MICAL3: variants seen among roughly 807,000 people sequenced by gnomAD.
The protein encoded by MICAL3 is microtubule associated monooxygenase, calponin and LIM domain containing 3.
MICAL3 carries 62 observed loss-of-function variants against 207.4 expected under a neutral mutation model. The observed-to-expected ratio is 0.30, with a 90% CI of 0.24 to 0.37. The LOEUF is 0.37. Among genes scored for constraint, MICAL3 ranks in the 10% least tolerant of loss-of-function variants. MICAL3 has a pLI of 1.00. For synonymous variants in MICAL3, 1,077 were observed against 1,069.3 expected, an observed-to-expected ratio of 1.01 and a Z score of -0.14; for missense variants, 2,368 against 2,635.6, an observed-to-expected ratio of 0.90 and a Z score of 2.22.
chr22:17,980,829 G>A (rs1029082557), intron 1 of MICAL3: 9 of 505,566 alleles, frequency 1.8e-5, no homozygotes, highest in African/African-American at 5.8e-5. Context: ...GCCCAGATGC[G>A]GCTGTGCTGG....
At position 17,907,963 on chromosome 22, in the gene MICAL3, C is replaced by T. The variant is rs540797679; in HGVS notation, c.-74-1077G>A. Among the ~76,000 whole-genome samples, 5 of 152,342 alleles carry T rather than the reference C, an allele frequency of 3.3e-5. No individual in the cohort carries two copies. The East Asian group carries it at 5.8e-4, about 18-fold the overall frequency. On this transcript the variant is annotated intron_variant, in intron 1 of 31. Transcript: ENST00000441493. ...ACCTATGGAAATGTCCGCACACCTA[C>T]GTCCAGTGAGTCTGCTGGACAGAGG... is the stretch of plus-strand genomic sequence containing the variant.
intron 29 of MICAL3, 78 bp downstream of exon 29, chr22:17,808,766 G>T: frequency 8.1e-7 from 1 of 1,231,782 alleles, no homozygotes; most frequent in Non-Finnish European, 1.2e-6. Flanking sequence ...TCCAGGTGAG[G>T]TGAAGCAAAA....
intron 19 of MICAL3, among the ~76,000 whole-genome samples, chr22:17,849,117 G>A (rs1229698726): frequency 1.3e-5 from 2 of 152,206 alleles, no homozygotes; most frequent in Admixed American, 6.5e-5. Context: ...TGAAGCAGGC[G>A]ATGAGGGATA....
chr22:17,983,197 C>G (rs1209222583), intron 1 of MICAL3: 1 of 152,296 alleles, frequency 6.6e-6, no homozygotes, highest in Non-Finnish European at 1.5e-5. Flanking sequence ...GTGGCCAAAT[C>G]TGTCTCTTCT....
intron 1 of MICAL3, among the ~76,000 whole-genome samples, chr22:17,944,334 T>TA (rs1369074941): frequency 6.6e-6 from 1 of 152,092 alleles, no homozygotes; most frequent in Non-Finnish European, 1.5e-5. Flanking sequence ...AAGGTTAGAA[T>TA]ATGCAAGGAG....
intron 19 of MICAL3, 121 bp downstream of exon 19, chr22:17,864,778 T>C (rs760748664): frequency 8.7e-6 from 14 of 1,613,830 alleles, no homozygotes; most frequent in Non-Finnish European, 9.3e-6. Context: ...CAGAGGGTTT[T>C]GGGCCACTTG....
intron 15 of MICAL3, among the ~76,000 whole-genome samples, chr22:17,886,947 C>T (rs969999777): frequency 6.6e-5 from 8 of 121,688 alleles, no homozygotes; most frequent in African/African-American, 2.4e-4. Flanking sequence ...CAGATCGTGC[C>T]ACTATACTCC....
intron 1 of MICAL3, among the ~76,000 whole-genome samples, chr22:17,977,713 A>T (rs1042907220): frequency 6.6e-6 from 1 of 152,186 alleles, no homozygotes; most frequent in African/African-American, 2.4e-5. Flanking sequence ...TCTTAGGTAT[A>T]TACTCAAGAG....
At chr22:18,000,933 G>C (rs949116193) in intron 1 of MICAL3, among the ~76,000 whole-genome samples, 1 of 152,110 alleles carries the variant, frequency 6.6e-6, no homozygotes, top group African/African-American at 2.4e-5. Context: ...TGCGGACTCC[G>C]GTAAAGACAG....
Position 17,891,479 on chromosome 22 carries a change from A to G in MICAL3, c.1694+6T>C. 1 of 1,613,824 alleles carries G rather than the reference A, an allele frequency of 6.2e-7. No individual in the cohort carries two copies. The highest frequency in any genetic ancestry group is 8.5e-7 in the Non-Finnish European group (1 of 1,179,738). Reference sequence around the variant, plus strand: ...TAAAAAAACACAAAGTTTGATCACAACTTACATCAGGTCAGGGCGGTATCT... The same window carrying G: ...TAAAAAAACACAAAGTTTGATCACAGCTTACATCAGGTCAGGGCGGTATCT... On this transcript the variant is annotated splice_donor_region_variant and intron_variant, in intron 12 of 31. Transcript: ENST00000441493.
chr22:17,919,076 G>GTTTTTTTTTTTTTTT lies in MICAL3; in HGVS notation c.-74-12191_-74-12190insAAAAAAAAAAAAAAA, dbSNP rs35096617. ...CTCCAAATGTTTTTGGTTTTTGTGG[G>GTTTTTTTTTTTTTTT]TTTTTTTTTTTTTTGAGACAGGCTC... On this transcript the variant is annotated intron_variant, in intron 1 of 31. Transcript: ENST00000441493. Among the ~76,000 whole-genome samples the GTTTTTTTTTTTTTTT allele has an allele frequency of 7.3e-3, 991 of 136,242 alleles. 60 individuals carry two copies. The highest frequency in any genetic ancestry group is 0.028 in the African/African-American group (934 of 33,596). The allele number at this position is 136,242 out of a possible 152,430, so 89.4% of individuals were successfully genotyped here.
chr22:17,877,405 GGGAAGTTATGGAGGTTAGGGAGATTAT>G (rs1928844216), intron 16 of MICAL3, among the ~76,000 whole-genome samples: 2 of 93,744 alleles, frequency 2.1e-5, no homozygotes, highest in Non-Finnish European at 2.0e-5. Context: ...AGGGAGGTTA[GGGAAGTTATGGAGGTTAGGGAGATTAT>G]GGAGGTGAGG....
rs10533905 is a variant in MICAL3, at chr22:17,945,008, CTTT to C, written c.-74-38125_-74-38123del. 8.9e-4 allele frequency among the ~76,000 whole-genome samples: 123 copies of C among 138,054 alleles called. 2 individuals carry two copies. Among genetic ancestry groups the C allele is most frequent in the African/African-American group, 3.2e-3 (111 of 34,488 alleles). The allele number at this position is 138,054 out of a possible 152,430, so 90.6% of individuals were successfully genotyped here. A position where few individuals can be genotyped will look rare whatever the true frequency, so the allele number is the denominator to read the frequency against. On this transcript the variant is annotated intron_variant, in intron 1 of 31. Coordinates refer to ENST00000441493, the MANE Select transcript of MICAL3 (RefSeq NM_015241.3). ...AGTTCGCACTCAGGCACTGGGGGACCTTTTTTTTTTTTTTTTTCAACAGTATGA... is the reference window on the plus strand; with the variant it reads ...AGTTCGCACTCAGGCACTGGGGGACCTTTTTTTTTTTTTTCAACAGTATGA...
chr22:17,830,596 C>T (rs769527939), intron 21 of MICAL3, among the ~76,000 whole-genome samples: 1 of 152,216 alleles, frequency 6.6e-6, no homozygotes, highest in Non-Finnish European at 1.5e-5. Flanking sequence ...ACTCTGCTGG[C>T]TAGCAGAGGC....
At chr22:17,973,110 C>A (rs1474386921) in intron 1 of MICAL3, among the ~76,000 whole-genome samples, 3 of 152,256 alleles carry the variant, frequency 2.0e-5, no homozygotes, top group African/African-American at 4.8e-5. Context: ...ACTTCTGACT[C>A]TTCTGTGGGG....
chr22:17,946,798 T>C lies in MICAL3; in HGVS notation c.-74-39912A>G, dbSNP rs146984809. ...CAAGTGTGCACATCACAGGAGGACC[T>C]GAGGGAGTGGTGGGCAAGTTCCTAC... On this transcript the variant is annotated intron_variant, in intron 1 of 31. Coordinates refer to ENST00000441493, the MANE Select transcript of MICAL3 (RefSeq NM_015241.3). Among the ~76,000 whole-genome samples the C allele has an allele frequency of 4.0e-3, 612 of 152,326 alleles. 3 individuals are homozygous for C. Among genetic ancestry groups the C allele is most frequent in the African/African-American group, 0.014 (574 of 41,572 alleles).
intron 1 of MICAL3, among the ~76,000 whole-genome samples, chr22:17,993,973 C>T (rs1026315252): frequency 1.3e-5 from 2 of 152,162 alleles, no homozygotes; most frequent in Non-Finnish European, 2.9e-5. Context: ...CCTCTGTGCC[C>T]CACTTCCTAG....
In MICAL3 at chr22:17,818,006, C is replaced by A. The variant is rs548921349; in HGVS notation, c.4655G>T (p.Arg1552Leu). Residue 1552 changes from arginine (R) to leucine (L), a missense_variant, in exon 26 of 32, where the codon CGC (arginine) becomes CTC (leucine). Around this residue, in one of 4 missense-constraint regions of MICAL3, gnomAD observed 1,770 missense variants for 1,863.2 expected, o/e 0.95. Transcript: ENST00000441493. The part of the protein sequence containing the change: ...KFFTPPSCWP[R>L]PEKPRHPPLA... Reference sequence around the variant, plus strand: ...GGGCGGGTGGCGAGGCTTCTCGGGGCGCGGCCAGCAGGACGGGGGCGTGAA... The same window carrying A: ...GGGCGGGTGGCGAGGCTTCTCGGGGAGCGGCCAGCAGGACGGGGGCGTGAA... 2 of 1,612,110 alleles carry A rather than the reference C, an allele frequency of 1.2e-6. No homozygotes were observed. The highest frequency in any genetic ancestry group is 1.7e-6 in the Non-Finnish European group (2 of 1,179,768).
chr22:17,792,469 G>A (rs944367299), intron 29 of MICAL3, among the ~76,000 whole-genome samples: 2 of 152,160 alleles, frequency 1.3e-5, no homozygotes, highest in African/African-American at 2.4e-5. Flanking sequence ...GGCAGGGGGC[G>A]TTCTAGGCCA....
Sources: gnomAD v4.1 joint callset for allele counts (sites outside exome capture counted in the v4.1 genomes callset) on GRCh38, gnomAD v4.1.1 for gene constraint, gnomAD v4.1.1 regional missense constraint, MANE v1.5 for transcripts, NCBI Gene and HGNC (gene_info 2026-07-23, HGNC 2026-07-21) for gene names.